Variants in ATP9A observed in about 807,000 individuals in gnomAD.
ATP9A encodes the protein probable phospholipid-transporting ATPase IIA.
In ATP9A, 52 loss-of-function variants were observed where a neutral mutation model predicts 144.1. That is an observed-to-expected ratio of 0.36 (90% CI 0.29 to 0.45). ATP9A has a LOEUF of 0.45. Among genes scored for constraint, ATP9A ranks in the 20% least tolerant of loss-of-function variants. ATP9A has a pLI of 1.00. For missense variants in ATP9A, 947 were observed against 1,392.7 expected (o/e 0.68, Z 5.09); for synonymous variants, 582 against 557.4 (o/e 1.04, Z -0.62).
Position 51,601,199 on chromosome 20 carries a change from C to T in ATP9A, c.*12G>A, listed in dbSNP as rs145451979. 1.4e-3 allele frequency: 2,166 copies of T among 1,589,810 alleles called. 34 individuals are homozygous for T. The East Asian group carries it at 0.024, about 18-fold the overall frequency. On this transcript the variant is annotated 3_prime_UTR_variant, in exon 28 of 28. Coordinates refer to ENST00000338821, the MANE Select transcript of ATP9A (RefSeq NM_006045.3). ...GCGCCAAGACCAGGGCCCCCTCCAGCGAACGCACGGCCTATGATGTGAGCT... is the reference window on the plus strand; with the variant it reads ...GCGCCAAGACCAGGGCCCCCTCCAGTGAACGCACGGCCTATGATGTGAGCT...
At chr20:51,698,164 C>T (rs1474137595) in intron 4 of ATP9A, among the ~76,000 whole-genome samples, 4 of 152,168 alleles carry the variant, frequency 2.6e-5, no homozygotes, top group African/African-American at 9.7e-5. Context: ...CAGGTCAGTG[C>T]TGGGATTCAC....
In ATP9A at chr20:51,694,008, G is replaced by T. The variant is rs141462748; in HGVS notation, c.642C>A (p.Ala214=). 3 of 1,612,504 alleles carry T rather than the reference G, an allele frequency of 1.9e-6. No individual in the cohort carries two copies. The African/African-American group carries it at 4.0e-5, about 22-fold the overall frequency. ...VACTQRLPTA[A]DLLQIRSYVY... is the part of the protein sequence containing the mutation. ...GGCTTCTGCAGGGAAAGCTACTCAC[G>T]GCGGCCGTGGGGAGCCTCTGCGTGC... Residue 214 remains alanine, a splice_region_variant and synonymous_variant, in exon 7 of 28, where the codon GCC becomes GCA. Coordinates refer to ENST00000338821, the MANE Select transcript of ATP9A (RefSeq NM_006045.3).
chr20:51,614,035 C>T (rs1479601077), intron 22 of ATP9A, among the ~76,000 whole-genome samples: 1 of 152,110 alleles, frequency 6.6e-6, no homozygotes, highest in African/African-American at 2.4e-5. Context: ...AAAACCATTC[C>T]GAATCACATA....
intron 1 of ATP9A, among the ~76,000 whole-genome samples, chr20:51,742,625 G>C (rs2077790004): frequency 6.6e-6 from 1 of 151,904 alleles, no homozygotes. Flanking sequence ...AGCAATTCTT[G>C]TGCCTCAGCC....
At chr20:51,693,899 TG>T in intron 7 of ATP9A, 108 bp downstream of exon 7, 1 of 946,422 alleles carries the variant, frequency 1.1e-6, no homozygotes, top group Non-Finnish European at 1.7e-6. Context: ...GCTCCCCTAC[TG>T]GCCCCACTTC....
At chr20:51,673,068 T>G (rs2077462738) in intron 11 of ATP9A, among the ~76,000 whole-genome samples, 1 of 152,094 alleles carries the variant, frequency 6.6e-6, no homozygotes, top group African/African-American at 2.4e-5. Context: ...GAAAATCTAT[T>G]ATTTATATCA....
chr20:51,608,539 C>T lies in ATP9A; in HGVS notation c.2724G>A (p.Glu908=), dbSNP rs764852407. The T allele has an allele frequency of 2.5e-6, 4 of 1,606,658 alleles. No individual in the cohort carries two copies. The African/African-American group carries it at 5.4e-5, about 21-fold the overall frequency. The change falls in exon 25 of 28, where the codon GAG becomes GAA. Residue 908 remains glutamate (E), a synonymous_variant. Coordinates refer to ENST00000338821, the MANE Select transcript of ATP9A (RefSeq NM_006045.3). ...VKSEVAMLYP[E]LYKDLLKGRP... is the part of the protein sequence containing the mutation. ...GAACCTTGAGAAGATCCTTGTAGAG[C>T]TCAGGATACAGCATGGCAACTTCCG...
At chr20:51,681,747 T>A (rs2077500693) in intron 9 of ATP9A, among the ~76,000 whole-genome samples, 2 of 152,104 alleles carry the variant, frequency 1.3e-5, no homozygotes, top group South Asian at 4.2e-4. Flanking sequence ...TAATAAACTA[T>A]AAATCCCATG....
At chr20:51,617,707 C>T (rs998049102) in intron 21 of ATP9A, among the ~76,000 whole-genome samples, 153 bp from the exon 22 acceptor site, 8 of 152,220 alleles carry the variant, frequency 5.3e-5, no homozygotes, top group African/African-American at 1.7e-4. Flanking sequence ...CCTTGACTAC[C>T]AAGATCCTGT....
At position 51,707,314 on chromosome 20, in the gene ATP9A, G is replaced by A. The variant is rs146609594; in HGVS notation, c.436+5652C>T. Among the ~76,000 whole-genome samples the A allele has an allele frequency of 2.9e-3, 435 of 152,224 alleles. 2 individuals are homozygous for A. The highest frequency in any genetic ancestry group is 0.01 in the African/African-American group (422 of 41,524). On this transcript the variant is annotated intron_variant, in intron 4 of 27. Coordinates refer to ENST00000338821, the MANE Select transcript of ATP9A (RefSeq NM_006045.3). ...CCCTCCTCTAAGACTCAAGATGAAGGTCACCTCTTCTGGAAAGACATCACC... is the reference window on the plus strand; with the variant it reads ...CCCTCCTCTAAGACTCAAGATGAAGATCACCTCTTCTGGAAAGACATCACC...
chr20:51,648,114 A>G (rs2122758427), intron 14 of ATP9A, among the ~76,000 whole-genome samples: 1 of 152,312 alleles, frequency 6.6e-6, no homozygotes, highest in Non-Finnish European at 1.5e-5. Flanking sequence ...GAGCTCATTC[A>G]TGCACACATC....
chr20:51,603,993 C>G (rs2077153280), intron 27 of ATP9A, among the ~76,000 whole-genome samples: 1 of 152,086 alleles, frequency 6.6e-6, no homozygotes, highest in Admixed American at 6.5e-5. Context: ...GTTGACCAGA[C>G]CGGTCTCAAA....
intron 15 of ATP9A, among the ~76,000 whole-genome samples, chr20:51,636,189 T>C (rs1312326794): frequency 6.6e-6 from 1 of 152,186 alleles, no homozygotes; most frequent in Admixed American, 6.5e-5. Context: ...ACAGCCAATC[T>C]GAGGGTTCCT....
chr20:51,638,071 T>TTATATATA (rs56043552), intron 15 of ATP9A, among the ~76,000 whole-genome samples: 343 of 33,834 alleles, frequency 0.01, 10 homozygotes, highest in Non-Finnish European at 0.013. Context: ...TTTCATCATT[T>TTATATATA]TATATATATA....
chr20:51,739,372 A>G (rs1371149027), intron 1 of ATP9A, among the ~76,000 whole-genome samples: 1 of 126,068 alleles, frequency 7.9e-6, no homozygotes, highest in African/African-American at 3.1e-5. Flanking sequence ...TTTTTTTGAG[A>G]TGGAGTCTTG....
At chr20:51,716,652 T>C (rs974817131) in intron 3 of ATP9A, among the ~76,000 whole-genome samples, 1 of 152,050 alleles carries the variant, frequency 6.6e-6, no homozygotes, top group African/African-American at 2.4e-5. Context: ...TGAGACTCTG[T>C]CTCAGGGGCA....
At chr20:51,688,634 G>A (rs1300413055) in intron 9 of ATP9A, among the ~76,000 whole-genome samples, 6 of 151,928 alleles carry the variant, frequency 3.9e-5, no homozygotes, top group African/African-American at 1.2e-4. Context: ...GAAAAAGAAA[G>A]GCACCAATAT....
At chr20:51,622,290 G>C in intron 18 of ATP9A, 118 bp from the exon 19 acceptor site, 1 of 768,608 alleles carries the variant, frequency 1.3e-6, no homozygotes, top group South Asian at 1.6e-5. Flanking sequence ...TTTACCTCCT[G>C]CCGACTCATG....
chr20:51,684,415 G>A (rs2077513196), intron 9 of ATP9A, among the ~76,000 whole-genome samples: 2 of 152,000 alleles, frequency 1.3e-5, no homozygotes, highest in Admixed American at 6.6e-5. Context: ...AAGAAAATAC[G>A]GCCAGGCGCG....
Sources: gnomAD v4.1 joint callset for allele counts (sites outside exome capture counted in the v4.1 genomes callset) on GRCh38, gnomAD v4.1.1 for gene constraint, MANE v1.5 for transcripts, NCBI Gene and HGNC (gene_info 2026-07-23, HGNC 2026-07-21) for gene names.